The following ASTN2 variants were observed in gnomAD, a reference collection of about 807,000 sequenced individuals.
ASTN2 encodes astrotactin 2.
ASTN2 carries 54 observed loss-of-function variants against 139.8 expected under a neutral mutation model. The observed-to-expected ratio is 0.39, with a 90% confidence interval of 0.31 to 0.48. The LOEUF is 0.48. Among genes scored for constraint, ASTN2 ranks in the 20% least tolerant of loss-of-function variants. ASTN2 has a pLI of 0.95. For synonymous variants in ASTN2, 756 were observed against 719.5 expected (o/e 1.05, Z -0.81); for missense variants, 1,565 against 1,725.1 (o/e 0.91, Z 1.64).
chr9:116,502,617 A>C (rs1276398436), intron 19 of ASTN2, among the ~76,000 whole-genome samples: 1 of 151,532 alleles, frequency 6.6e-6, no homozygotes, highest in Non-Finnish European at 1.5e-5. Context: ...AGAGAGAAAC[A>C]GAGAAAATCG....
chr9:116,476,278 G>A (rs1848978679), intron 20 of ASTN2, among the ~76,000 whole-genome samples: 1 of 152,210 alleles, frequency 6.6e-6, no homozygotes, highest in Non-Finnish European at 1.5e-5. Flanking sequence ...ACTTAATCCA[G>A]TATTACCTCA....
intron 10 of ASTN2, among the ~76,000 whole-genome samples, chr9:116,911,206 T>A (rs1834300540): frequency 6.6e-6 from 1 of 152,184 alleles, no homozygotes; most frequent in Admixed American, 6.5e-5. Context: ...ATGCCCAGGA[T>A]AAGAGCTTTC....
intron 16 of ASTN2, among the ~76,000 whole-genome samples, chr9:116,679,578 C>A (rs1451726431): frequency 1.3e-5 from 2 of 151,900 alleles, no homozygotes; most frequent in South Asian, 2.1e-4. Flanking sequence ...TCAAGTGTGG[C>A]TGCCCTCACC....
intron 4 of ASTN2, among the ~76,000 whole-genome samples, chr9:117,106,229 CT>C (rs978581275): frequency 3.3e-5 from 5 of 149,826 alleles, no homozygotes; most frequent in East Asian, 3.9e-4. Context: ...TTCTTTTCTT[CT>C]TTTTTTTTTC....
Position 116,718,972 on chromosome 9 carries a change from G to GTATATA in ASTN2, c.2806+6798_2806+6799insTATATA, listed in dbSNP as rs373217069. ...TATTTACATATCTATACCTGTATCT[G>GTATATA]TACATATATATATATATATCTGCCT... On this transcript the variant is annotated intron_variant, in intron 16 of 22. Transcript: ENST00000313400. 1.7e-3 allele frequency among the ~76,000 whole-genome samples: 166 copies of GTATATA among 99,930 alleles called. 13 individuals are homozygous for GTATATA. The highest frequency in any genetic ancestry group is 3.3e-3 in the South Asian group (9 of 2,740). The allele number at this position is 99,930 out of a possible 152,430, so 65.6% of individuals were successfully genotyped here.
chr9:116,487,330 A>T, intron 20 of ASTN2, 29 bp downstream of exon 20: 1 of 1,609,996 alleles, frequency 6.2e-7, no homozygotes, highest in Non-Finnish European at 8.5e-7. Context: ...TGTCTGCCTC[A>T]TGATCCCCAC....
At position 117,156,663 on chromosome 9, in the gene ASTN2, GT is replaced by G. The variant is rs575508823; in HGVS notation, c.1016-15186del. Among the ~76,000 whole-genome samples the G allele has an allele frequency of 5.2e-3, 786 of 152,062 alleles. 4 individuals are homozygous for G. The highest frequency in any genetic ancestry group is 7.1e-3 in the Non-Finnish European group (479 of 67,940). On this transcript the variant is annotated intron_variant, in intron 3 of 22. Transcript: ENST00000313400. ...AAGACCATGAAGAGGTGTTAACTGG[GT>G]GCAAGCCGGCAGTGACATCACTTTG...
At chr9:117,170,953 T>A (rs149635144) in intron 3 of ASTN2, among the ~76,000 whole-genome samples, 278 of 152,238 alleles carry the variant, frequency 1.8e-3, no homozygotes, top group African/African-American at 6.3e-3. Flanking sequence ...TTCTGCCCCT[T>A]CTTTATGTGA....
chr9:117,412,920 A>G (rs1394707270), intron 1 of ASTN2, among the ~76,000 whole-genome samples: 1 of 152,156 alleles, frequency 6.6e-6, no homozygotes, highest in African/African-American at 2.4e-5. Context: ...GCAGCCCCAC[A>G]GGTGCACGTG....
chr9:117,238,560 T>A (rs1833115059), intron 2 of ASTN2, among the ~76,000 whole-genome samples: 1 of 152,232 alleles, frequency 6.6e-6, no homozygotes, highest in African/African-American at 2.4e-5. Flanking sequence ...GTGAATCTCC[T>A]CCACAAAGCT....
At chr9:117,040,678 G>A (rs1232346024) in intron 5 of ASTN2, among the ~76,000 whole-genome samples, 1 of 152,038 alleles carries the variant, frequency 6.6e-6, no homozygotes, top group Non-Finnish European at 1.5e-5. Context: ...AGGCTGGTCT[G>A]GAACTCCTGA....
chr9:117,122,791 C>A (rs1280967299), intron 4 of ASTN2, among the ~76,000 whole-genome samples: 1 of 152,140 alleles, frequency 6.6e-6, no homozygotes, highest in Non-Finnish European at 1.5e-5. Flanking sequence ...CACTGTGGAA[C>A]TTCCTCCTTC....
At chr9:117,173,294 A>T (rs1830837715) in intron 3 of ASTN2, among the ~76,000 whole-genome samples, 1 of 152,164 alleles carries the variant, frequency 6.6e-6, no homozygotes, top group Non-Finnish European at 1.5e-5. Context: ...TGAATGAAAG[A>T]TTTTTGCACA....
chr9:117,114,018 A>C (rs1829314834), intron 4 of ASTN2, among the ~76,000 whole-genome samples: 1 of 151,392 alleles, frequency 6.6e-6, no homozygotes, highest in Non-Finnish European at 1.5e-5. Context: ...GATCATTTTT[A>C]AGTTGCATGT....
chr9:116,667,648 C>G (rs962400279), intron 16 of ASTN2, among the ~76,000 whole-genome samples: 3 of 152,066 alleles, frequency 2.0e-5, no homozygotes, highest in African/African-American at 7.2e-5. Context: ...AAAATTATTG[C>G]TGGGAAATAG....
intron 17 of ASTN2, among the ~76,000 whole-genome samples, chr9:116,638,069 C>A (rs1313155657): frequency 2.6e-5 from 4 of 152,138 alleles, no homozygotes; most frequent in African/African-American, 9.7e-5. Context: ...AGAAAAGAAT[C>A]AAGTAATACA....
At chr9:117,193,597 T>C (rs1831405689) in intron 3 of ASTN2, among the ~76,000 whole-genome samples, 1 of 127,974 alleles carries the variant, frequency 7.8e-6, no homozygotes, top group Admixed American at 9.7e-5. Context: ...AAGATGGTGC[T>C]ACTACACACT....
chr9:116,965,631 C>A (rs1246319677), intron 10 of ASTN2, among the ~76,000 whole-genome samples: 1 of 152,196 alleles, frequency 6.6e-6, no homozygotes, highest in Non-Finnish European at 1.5e-5. Flanking sequence ...CTCAACTTTC[C>A]TCATTCCTGT....
At chr9:116,445,522 C>T (rs1368086391) in intron 20 of ASTN2, among the ~76,000 whole-genome samples, 1 of 152,182 alleles carries the variant, frequency 6.6e-6, no homozygotes, top group South Asian at 2.1e-4. Context: ...CTGCAATCCA[C>T]TTCCTTCACC....
Sources: gnomAD v4.1 joint callset for allele counts (sites outside exome capture counted in the v4.1 genomes callset) on GRCh38, gnomAD v4.1.1 for gene constraint, MANE v1.5 for transcripts, NCBI Gene and HGNC (gene_info 2026-07-23, HGNC 2026-07-21) for gene names.